LRRC19: variants seen among roughly 807,000 people sequenced by gnomAD.
The protein encoded by LRRC19 is leucine rich repeat containing 19.
In LRRC19, 33 loss-of-function variants were observed where a neutral mutation model predicts 33.3. The ratio of observed to expected loss-of-function variants is 0.99; its 90% CI spans 0.75 to 1.33. LRRC19 has a LOEUF of 1.33. Ranked by LOEUF, LRRC19 falls within the 40% of genes most tolerant of loss-of-function variation. The pLI is 0.00. For synonymous variants in LRRC19, 184 were observed against 152.3 expected (o/e 1.21, Z -1.53); for missense variants, 463 against 417.3 (o/e 1.11, Z -0.95).
Position 26,998,261 on chromosome 9 carries a change from A to G in LRRC19, c.82-20T>C, listed in dbSNP as rs776391551. 2 of 1,345,800 alleles carry G rather than the reference A, an allele frequency of 1.5e-6. No individual in the cohort carries two copies. The highest frequency in any genetic ancestry group is 2.7e-5 in the Admixed American group (1 of 37,348). The allele number at this position is 1,345,800 out of a possible 1,614,324, so 83.4% of individuals were successfully genotyped here. ...GACTTCCTAGAAAAACAAAAAAAAGAAAGGCATTAATCAGAAAAAAAATTA... is the reference window on the plus strand; with the variant it reads ...GACTTCCTAGAAAAACAAAAAAAAGGAAGGCATTAATCAGAAAAAAAATTA... On this transcript the variant is annotated intron_variant, in intron 2 of 4. Coordinates refer to ENST00000380055, the MANE Select transcript of LRRC19 (RefSeq NM_022901.3).
chr9:26,997,772 A>G lies in LRRC19; in HGVS notation c.551T>C (p.Leu184Pro). 1 of 1,611,250 alleles carries G rather than the reference A, an allele frequency of 6.2e-7. No individual in the cohort carries two copies. The highest frequency in any genetic ancestry group is 8.5e-7 in the Non-Finnish European group (1 of 1,179,372). Residue 184 changes from leucine to proline, a missense_variant, in exon 3 of 5, where the codon CTA (leucine) becomes CCA (proline). Physicochemically the swap from Leu to Pro is moderately conservative, Grantham distance 98. Coordinates refer to ENST00000380055, the MANE Select transcript of LRRC19 (RefSeq NM_022901.3). ...YGNLWNCSCS[L>P]FNLQNWLNTS... is the part of the protein sequence containing the mutation. The stretch of plus-strand genomic sequence containing the variant: ...GTTCAACCAGTTCTGCAAATTAAAT[A>G]GACTGCAAGAGCAGTTCCATAGGTT...
rs575141605 is a variant in LRRC19 at position 26,995,077 on chromosome 9, G to C, written c.*444C>G. On this transcript the variant is annotated 3_prime_UTR_variant, in exon 5 of 5. Coordinates refer to ENST00000380055, the MANE Select transcript of LRRC19 (RefSeq NM_022901.3). ...TTCTGGGAGCATAAAATCAATCTTA[G>C]TGTATTATTTAAGCTATCTCTGTTC... 8.5e-5 allele frequency: 13 copies of C among 152,448 alleles called. No individual in the cohort carries two copies. The highest frequency in any genetic ancestry group is 1.5e-4 in the Non-Finnish European group (10 of 68,254). The allele number at this position is 152,448 out of a possible 1,614,324, so 9.4% of individuals were successfully genotyped here.
intron 1 of LRRC19, among the ~76,000 whole-genome samples, chr9:27,004,756 A>G (rs1033740407): frequency 3.9e-5 from 6 of 152,206 alleles, no homozygotes; most frequent in Admixed American, 2.6e-4. Flanking sequence ...AGGAGCTAAT[A>G]TAAAATAGAA....
Position 26,996,464 on chromosome 9 carries a change from T to TACA in LRRC19, c.630_631insTGT (p.Asn210_Ser211insCys), listed in dbSNP as rs1828162746. On this transcript the variant is annotated inframe_insertion, in exon 4 of 5. Transcript: ENST00000380055. ...GTTTTGATATTGTAGCTCTGCAGGC[T>TACA]GTTGGGGTAGCTACACATGGTGATG... The TACA allele has an allele frequency of 2.0e-6, 3 of 1,537,190 alleles. No individual in the cohort carries two copies. The highest frequency in any genetic ancestry group is 2.6e-6 in the Non-Finnish European group (3 of 1,134,374).
chr9:26,996,206 ATCTT>A (rs1173964145), intron 4 of LRRC19, 101 bp downstream of exon 4: 5 of 741,546 alleles, frequency 6.7e-6, no homozygotes, highest in Non-Finnish European at 9.8e-6. Flanking sequence ...GAGATGAGGA[ATCTT>A]TCTTTTACAT....
chr9:27,004,866 C>A (rs1828689860), intron 1 of LRRC19, among the ~76,000 whole-genome samples: 2 of 151,874 alleles, frequency 1.3e-5, no homozygotes, highest in South Asian at 4.2e-4. Context: ...AAAAAAAGAG[C>A]TTTACTCAAA....
In LRRC19 at chr9:27,003,514, C is replaced by G. The variant is rs7026226; in HGVS notation, c.-10+2078G>C. On this transcript the variant is annotated intron_variant, in intron 1 of 4. Coordinates refer to ENST00000380055, the MANE Select transcript of LRRC19 (RefSeq NM_022901.3). ...CTCCAGCCTGGGTGACAGAGTGAGA[C>G]TCTGTCTCAGAAAAAAAAAAGAAAA... is the stretch of plus-strand genomic sequence containing the variant. Among the ~76,000 whole-genome samples the G allele has an allele frequency of 5.9e-3, 896 of 151,854 alleles. 9 individuals carry two copies. The highest frequency in any genetic ancestry group is 0.021 in the African/African-American group (854 of 41,392).
intron 3 of LRRC19, among the ~76,000 whole-genome samples, chr9:26,997,317 ATTG>A (rs1415020496): frequency 6.9e-6 from 1 of 145,758 alleles, no homozygotes; most frequent in Non-Finnish European, 1.5e-5. Context: ...TTAAACAGAA[ATTG>A]TTTCCTTTCC....
chr9:26,997,581 G>A (rs1563960378), intron 3 of LRRC19, 147 bp downstream of exon 3: 3 of 794,264 alleles, frequency 3.8e-6, no homozygotes, highest in Admixed American at 3.3e-5. Context: ...TGATCCCCCT[G>A]CCTTGGCCTC....
intron 1 of LRRC19, among the ~76,000 whole-genome samples, chr9:27,005,337 C>G (rs1330959485): frequency 2.7e-5 from 3 of 111,572 alleles, no homozygotes; most frequent in Non-Finnish European, 5.2e-5. Context: ...ATTTGATTGG[C>G]TAGATGAAAC....
intron 3 of LRRC19, among the ~76,000 whole-genome samples, chr9:26,996,922 C>A (rs1257752041): frequency 6.6e-6 from 1 of 152,114 alleles, no homozygotes; most frequent in Non-Finnish European, 1.5e-5. Context: ...AGAACATTTA[C>A]ATTTCTGGCC....
At chr9:27,003,884 A>G (rs1030178895) in intron 1 of LRRC19, among the ~76,000 whole-genome samples, 5 of 152,232 alleles carry the variant, frequency 3.3e-5, no homozygotes, top group African/African-American at 4.8e-5. Flanking sequence ...TAGTTTACCT[A>G]TGTTTAATGA....
rs1372637173 is a variant in LRRC19, at chr9:26,995,631, A to G, written c.1003T>C (p.Ser335Pro). ...SSLSQIPETN[S>P]EETTVIFEQL... is the part of the protein sequence containing the mutation. Reference sequence around the variant, plus strand: ...TCAAATATTACTGTAGTTTCTTCAGAGTTTGTTTCTGGTATCTGTGAAAGA... The same window carrying G: ...TCAAATATTACTGTAGTTTCTTCAGGGTTTGTTTCTGGTATCTGTGAAAGA... Residue 335 changes from serine to proline, a missense_variant, in exon 5 of 5, where the codon TCT (serine) becomes CCT (proline). Ser to Pro is a moderately conservative substitution (Grantham distance 74). Transcript: ENST00000380055. The G allele has an allele frequency of 1.2e-6, 2 of 1,613,356 alleles. No homozygotes were observed. Among genetic ancestry groups the G allele is most frequent in the Non-Finnish European group, 1.7e-6 (2 of 1,179,512 alleles).
Position 26,997,996 on chromosome 9 carries a change from G to T in LRRC19, c.327C>A (p.Ile109=). The change falls in exon 3 of 5, where the codon ATC becomes ATA. Residue 109 remains isoleucine (I), a synonymous_variant. Transcript: ENST00000380055. ...AAAATGCACCCTGTTGAATTACATA[G>T]ATGGAGTTTCTACAGATATTTAAAA... is the stretch of plus-strand genomic sequence containing the variant. ...LEILNICRNS[I]YVIQQGAFLG... The T allele has an allele frequency of 1.2e-6, 2 of 1,613,934 alleles. No individual in the cohort carries two copies. The highest frequency in any genetic ancestry group is 1.7e-6 in the Non-Finnish European group (2 of 1,179,940).
intron 3 of LRRC19, among the ~76,000 whole-genome samples, 172 bp downstream of exon 3, chr9:26,997,556 A>G (rs1828229790): frequency 6.6e-6 from 1 of 150,604 alleles, no homozygotes; most frequent in South Asian, 2.1e-4. Context: ...CTGGTCTCAA[A>G]CTCCTGACCT....
At chr9:27,005,094 C>T (rs1221420947) in intron 1 of LRRC19, among the ~76,000 whole-genome samples, 6 of 152,054 alleles carry the variant, frequency 3.9e-5, no homozygotes, top group Non-Finnish European at 8.8e-5. Context: ...TAATAATACA[C>T]AATTAACTTT....
At chr9:27,005,295 A>G (rs925826163) in intron 1 of LRRC19, among the ~76,000 whole-genome samples, 2 of 145,154 alleles carry the variant, frequency 1.4e-5, no homozygotes, top group African/African-American at 5.1e-5. Context: ...ATGCTCTGTG[A>G]TTAACATATT....
chr9:26,997,629 T>A, intron 3 of LRRC19, 99 bp downstream of exon 3: 1 of 1,315,684 alleles, frequency 7.6e-7, no homozygotes, highest in Non-Finnish European at 1.0e-6. Context: ...CCACTGCGCC[T>A]GGCTGCTTCC....
In LRRC19 at chr9:26,996,507, A is replaced by G. The variant is rs769026684; in HGVS notation, c.596-8T>C. 2 of 1,418,112 alleles carry G rather than the reference A, an allele frequency of 1.4e-6. No individual in the cohort carries two copies. Among genetic ancestry groups the G allele is most frequent in the Non-Finnish European group, 1.9e-6 (2 of 1,072,146 alleles). The allele number at this position is 1,418,112 out of a possible 1,614,324, so 87.8% of individuals were successfully genotyped here. A position where few individuals can be genotyped will look rare whatever the true frequency, so the allele number is the denominator to read the frequency against. Reference sequence around the variant, plus strand: ...TGGTGATGTTCTCATTTTCTAGTAAATCAGAAAGAATAAGATTTAGTATAG... The same window carrying G: ...TGGTGATGTTCTCATTTTCTAGTAAGTCAGAAAGAATAAGATTTAGTATAG... On this transcript the variant is annotated splice_polypyrimidine_tract_variant and splice_region_variant and intron_variant, in intron 3 of 4. Coordinates refer to ENST00000380055, the MANE Select transcript of LRRC19 (RefSeq NM_022901.3).
Sources: allele counts gnomAD v4.1 joint callset (sites outside exome capture counted in the v4.1 genomes callset), GRCh38; gene constraint gnomAD v4.1.1; transcripts MANE v1.5; gene names NCBI Gene and HGNC (gene_info 2026-07-23, HGNC 2026-07-21).